The following MCM9 variants were observed in gnomAD, a reference collection of about 807,000 sequenced individuals.
MCM9 encodes the protein DNA helicase MCM9.
A neutral mutation model predicts 72.8 loss-of-function variants in MCM9; 55 were observed. The observed-to-expected ratio is 0.76, with a 90% confidence interval of 0.61 to 0.95. MCM9 has a LOEUF of 0.95. Ranked by LOEUF, MCM9 falls within the 40% of genes least tolerant of loss-of-function variation. The pLI is 0.00. For missense variants in MCM9, 1,279 were observed against 1,377.0 expected, an observed-to-expected ratio of 0.93 and a Z score of 1.13; for synonymous variants, 480 against 503.4, an observed-to-expected ratio of 0.95 and a Z score of 0.62.
chr6:118,880,125 T>C (rs907505163), intron 8 of MCM9, among the ~76,000 whole-genome samples: 18 of 151,558 alleles, frequency 1.2e-4, no homozygotes, highest in African/African-American at 4.1e-4. Context: ...ATGCAAATAA[T>C]ACCATTTAAA....
chr6:118,917,051 A>G (rs1781021322), intron 6 of MCM9, among the ~76,000 whole-genome samples: 1 of 152,172 alleles, frequency 6.6e-6, no homozygotes. Context: ...GTTTTATTCT[A>G]TGTAATTACA....
At chr6:118,910,329 T>A (rs1051382419) in intron 8 of MCM9, among the ~76,000 whole-genome samples, 27 of 152,130 alleles carry the variant, frequency 1.8e-4, no homozygotes, top group African/African-American at 6.5e-4. Flanking sequence ...AGCGTGGCCC[T>A]TTGGGTAGAC....
chr6:118,824,503 T>G (rs1166962718), intron 13 of MCM9, among the ~76,000 whole-genome samples: 1 of 152,100 alleles, frequency 6.6e-6, no homozygotes, highest in Non-Finnish European at 1.5e-5. Context: ...GAGACAGTGT[T>G]TCACCATGTT....
At chr6:118,827,485 G>A (rs1396655332) in intron 11 of MCM9, among the ~76,000 whole-genome samples, 1 of 151,938 alleles carries the variant, frequency 6.6e-6, no homozygotes, top group East Asian at 1.9e-4. Flanking sequence ...ATATGTAATG[G>A]GGCAGGGCAT....
At chr6:118,872,181 T>G (rs1453242141) in intron 8 of MCM9, among the ~76,000 whole-genome samples, 2 of 151,574 alleles carry the variant, frequency 1.3e-5, no homozygotes, top group Non-Finnish European at 2.9e-5. Context: ...TAGCCACGCG[T>G]GGTGGTGGGC....
At chr6:118,893,937 G>GCCTCCCCGCCGCAGCCACA in intron 8 of MCM9, 2 of 864,722 alleles carry the variant, frequency 2.3e-6, no homozygotes, top group South Asian at 5.1e-5. Context: ...CCGCAGCCAC[G>GCCTCCCCGCCGCAGCCACA]CCTCCCCGCC....
At chr6:118,844,481 C>T (rs2114635480) in intron 9 of MCM9, among the ~76,000 whole-genome samples, 1 of 151,084 alleles carries the variant, frequency 6.6e-6, no homozygotes, top group Admixed American at 6.6e-5. Context: ...CCAAAAAAGC[C>T]AACATGTACT....
At chr6:118,863,172 T>C (rs1485365336) in intron 8 of MCM9, among the ~76,000 whole-genome samples, 1 of 152,206 alleles carries the variant, frequency 6.6e-6, no homozygotes, top group Non-Finnish European at 1.5e-5. Flanking sequence ...TGTATATGCA[T>C]AGGTATATAT....
chr6:118,905,613 T>TTG (rs751946943), intron 8 of MCM9: 30 of 1,520,856 alleles, frequency 2.0e-5, no homozygotes, highest in South Asian at 8.9e-5. Context: ...TAACAGCCTT[T>TTG]TGTGTGTGTG....
intron 8 of MCM9, among the ~76,000 whole-genome samples, chr6:118,877,252 C>G (rs1341054074): frequency 6.6e-6 from 1 of 152,144 alleles, no homozygotes; most frequent in Non-Finnish European, 1.5e-5. Flanking sequence ...GCACATGGAA[C>G]AGAAAAAACC....
intron 9 of MCM9, among the ~76,000 whole-genome samples, chr6:118,852,760 T>C (rs969359107): frequency 3.3e-5 from 5 of 152,318 alleles, no homozygotes; most frequent in Middle Eastern, 3.4e-3. Flanking sequence ...AATTTACATA[T>C]AGTAAAAGTC....
At chr6:118,823,316 T>C (rs1402946120) in intron 13 of MCM9, among the ~76,000 whole-genome samples, 1 of 152,144 alleles carries the variant, frequency 6.6e-6, no homozygotes, top group Non-Finnish European at 1.5e-5. Flanking sequence ...GGTAGCACAG[T>C]CCCTCACTGC....
At position 118,890,385 on chromosome 6, in the gene MCM9, C is replaced by T. The variant is rs539802803; in HGVS notation, c.1150+21265G>A. Reference sequence around the variant, plus strand: ...TTGTTATATGGGATGATATCTTACCCTCCTGCCATTCCTGTTTGTGAGGCT... The same window carrying T: ...TTGTTATATGGGATGATATCTTACCTTCCTGCCATTCCTGTTTGTGAGGCT... On this transcript the variant is annotated intron_variant, in intron 8 of 13. Coordinates refer to ENST00000619706, the MANE Select transcript of MCM9 (RefSeq NM_017696.3). Among the ~76,000 whole-genome samples the T allele has an allele frequency of 1.2e-4, 18 of 152,328 alleles. No individual in the cohort carries two copies. In the South Asian group the frequency reaches 3.1e-3, roughly 26 times the overall value.
intron 9 of MCM9, among the ~76,000 whole-genome samples, chr6:118,833,648 A>C (rs1274767796): frequency 6.6e-6 from 1 of 152,214 alleles, no homozygotes; most frequent in African/African-American, 2.4e-5. Flanking sequence ...AAGAACCTTA[A>C]CTATATCATG....
chr6:118,837,561 T>C (rs144875932), intron 9 of MCM9, among the ~76,000 whole-genome samples: 2 of 152,204 alleles, frequency 1.3e-5, no homozygotes, highest in Non-Finnish European at 2.9e-5. Flanking sequence ...CCTGTATTGG[T>C]TGCATATATA....
rs756957559 is a variant in MCM9, at chr6:118,815,556, C to A, written c.2700G>T (p.Ala900=). 135 of 1,549,988 alleles carry A rather than the reference C, an allele frequency of 8.7e-5. No individual in the cohort carries two copies. The highest frequency in any genetic ancestry group is 3.3e-4 in the Middle Eastern group (2 of 6,010). Reference sequence around the variant, plus strand: ...TTTCAATTGCAGGCTCTTCCACTTGCGCAAGGGATTTCGGTCTCTTTCTTT... The same window carrying A: ...TTTCAATTGCAGGCTCTTCCACTTGAGCAAGGGATTTCGGTCTCTTTCTTT... The part of the protein sequence containing the change: ...SPKRKRPKSL[A]QVEEPAIENV... The change falls in exon 14 of 14, where the codon GCG becomes GCT. Residue 900 remains alanine, a synonymous_variant. Transcript: ENST00000619706.
intron 6 of MCM9, among the ~76,000 whole-genome samples, chr6:118,914,484 C>T (rs1375211109): frequency 1.3e-5 from 2 of 151,932 alleles, no homozygotes; most frequent in African/African-American, 2.4e-5. Flanking sequence ...ATGTGGCCTG[C>T]GATGGCAGAA....
Position 118,931,501 on chromosome 6 carries a change from T to A in MCM9, c.223A>T (p.Arg75Trp). The part of the protein sequence containing the change: ...VLTIFDSALR[R>W]SALTILQSLS... Reference sequence around the variant, plus strand: ...GACTGGAGAATTGTCAAGGCTGACCTTCGCAGTGCACTATCAAAAATTGTA... The same window carrying A: ...GACTGGAGAATTGTCAAGGCTGACCATCGCAGTGCACTATCAAAAATTGTA... Residue 75 changes from arginine (R) to tryptophan (W), a missense_variant, in exon 3 of 14, where the codon AGG becomes TGG. Arg to Trp is a moderately radical substitution (Grantham distance 101). Transcript: ENST00000619706. 1 of 1,614,192 alleles carries A rather than the reference T, an allele frequency of 6.2e-7. No individual in the cohort carries two copies. Among genetic ancestry groups the A allele is most frequent in the Non-Finnish European group, 8.5e-7 (1 of 1,180,036 alleles).
At chr6:118,916,368 A>AC (rs1469037754) in intron 6 of MCM9, among the ~76,000 whole-genome samples, 1 of 141,176 alleles carries the variant, frequency 7.1e-6, no homozygotes, top group African/African-American at 2.8e-5. Flanking sequence ...ACACACACAC[A>AC]AAAAAAAAAG....
Sources: allele counts gnomAD v4.1 joint callset (sites outside exome capture counted in the v4.1 genomes callset), GRCh38; gene constraint gnomAD v4.1.1; transcripts MANE v1.5; gene names NCBI Gene and HGNC (gene_info 2026-07-23, HGNC 2026-07-21).